SELENOO: variants seen among roughly 807,000 people sequenced by gnomAD.
SELENOO encodes protein adenylyltransferase SelO, mitochondrial.
A neutral mutation model predicts 58.7 loss-of-function variants in SELENOO; 74 were observed. The ratio of observed to expected loss-of-function variants is 1.26; its 90% CI spans 1.04 to 1.53. The LOEUF is 1.53. SELENOO is among the 40% of genes most tolerant of loss of function. The pLI, the probability that SELENOO is intolerant of heterozygous loss-of-function variation, is 0.00. For synonymous variants in SELENOO, 543 were observed against 453.2 expected (o/e 1.20, Z -2.52); for missense variants, 1,149 against 970.0 (o/e 1.18, Z -2.45).
Position 50,217,547 on chromosome 22 carries a change from C to T in SELENOO, c.*178C>T, listed in dbSNP as rs772726137. On this transcript the variant is annotated 3_prime_UTR_variant, in exon 9 of 9. Coordinates refer to ENST00000380903, the MANE Select transcript of SELENOO (RefSeq NM_031454.2). ...GACCTGACCCGTCTCTGTCTGAGGC[C>T]GGCTCAGCAGTGCAGCCTGGTCCCT... 9.7e-5 allele frequency: 97 copies of T among 999,934 alleles called. No homozygotes were observed. Among genetic ancestry groups the T allele is most frequent in the Admixed American group, 4.0e-4 (14 of 34,864 alleles). 61.9% of individuals were successfully genotyped at this position (999,934 alleles called of 1,614,324 possible).
chr22:50,210,637 C>A lies in SELENOO; in HGVS notation c.1077C>A (p.Asp359Glu). The change falls in exon 5 of 9, where the codon GAC becomes GAA. Residue 359 changes from aspartate (D) to glutamate (E), a missense_variant. Asp to Glu is a conservative substitution (Grantham distance 45, BLOSUM62 2). Coordinates refer to ENST00000380903, the MANE Select transcript of SELENOO (RefSeq NM_031454.2). The stretch of plus-strand genomic sequence containing the variant: ...CTCTTGCCCCGTGTGGCAGGTACGA[C>A]CCCGACCACGTGTGCAATGCCTCCG... ...YGPFGFLDRY[D>E]PDHVCNASDN... The A allele has an allele frequency of 6.2e-7, 1 of 1,612,836 alleles. No individual in the cohort carries two copies. Among genetic ancestry groups the A allele is most frequent in the South Asian group, 1.1e-5 (1 of 91,072 alleles).
At position 50,206,482 on chromosome 22, in the gene SELENOO, A is replaced by G. The variant is rs772189835; in HGVS notation, c.720A>G (p.Gln240=). ...ATGATGGTAATCCCAAATATGAACA[A>G]TGCACGGTTGTGTTGCGTGTAGCTT... ...VFYDGNPKYE[Q]CTVVLRVAST... Residue 240 remains glutamine (Q), a synonymous_variant, in exon 2 of 9, where the codon CAA becomes CAG. Transcript: ENST00000380903. 3 of 1,614,146 alleles carry G rather than the reference A, an allele frequency of 1.9e-6. No individual in the cohort carries two copies. The highest frequency in any genetic ancestry group is 1.1e-5 in the South Asian group (1 of 91,080).
chr22:50,213,051 T>C (rs564902845), intron 5 of SELENOO, among the ~76,000 whole-genome samples: 2 of 152,308 alleles, frequency 1.3e-5, no homozygotes, highest in South Asian at 4.1e-4. Context: ...TCCATCAATT[T>C]TGGTATGTTG....
In SELENOO at chr22:50,201,090, G is replaced by GC; in HGVS notation, c.58dup (p.Leu20ProfsTer214). ...CTTCGCTCGCGGCTGCCCGACTCTT[G>GC]CCCCTCGGTCGCTGTTCCCCGTCGC... On this transcript the variant is annotated frameshift_variant, in exon 1 of 9. Coordinates refer to ENST00000380903, the MANE Select transcript of SELENOO (RefSeq NM_031454.2). LOFTEE classifies it high-confidence loss of function. The GC allele has an allele frequency of 7.3e-7, 1 of 1,366,556 alleles. No homozygotes were observed. Among genetic ancestry groups the GC allele is most frequent in the Non-Finnish European group, 9.4e-7 (1 of 1,059,702 alleles). 84.7% of individuals were successfully genotyped at this position (1,366,556 alleles called of 1,614,324 possible). A position where few individuals can be genotyped will look rare whatever the true frequency, so the allele number is the denominator to read the frequency against.
chr22:50,206,272 G>T, intron 1 of SELENOO, 45 bp from the exon 2 acceptor site: 1 of 1,547,994 alleles, frequency 6.5e-7, no homozygotes, highest in South Asian at 1.1e-5. Context: ...GGTGTTGGGT[G>T]ACCTCCTGAC....
At chr22:50,211,900 G>T (rs568667354) in intron 5 of SELENOO, among the ~76,000 whole-genome samples, 1 of 152,202 alleles carries the variant, frequency 6.6e-6, no homozygotes, top group South Asian at 2.1e-4. Flanking sequence ...ACAGGGTTTC[G>T]CCGTGTTGGT....
At chr22:50,208,809 G>A (rs2064349572) in intron 3 of SELENOO, 93 bp downstream of exon 3, 1 of 1,270,740 alleles carries the variant, frequency 7.9e-7, no homozygotes, top group Non-Finnish European at 1.1e-6. Flanking sequence ...GGGGACAAAG[G>A]CTTTTACCCA....
chr22:50,209,491 A>G (rs1328931016), intron 3 of SELENOO: 1 of 152,642 alleles, frequency 6.6e-6, no homozygotes, highest in Non-Finnish European at 1.5e-5. Flanking sequence ...GGGGCTGCAG[A>G]AGGCCGGGAG....
chr22:50,210,070 T>A (rs1409756137), intron 3 of SELENOO, 111 bp from the exon 4 acceptor site: 11 of 1,309,720 alleles, frequency 8.4e-6, no homozygotes, highest in East Asian at 2.4e-5. Context: ...AACTGCAGAG[T>A]GAGAGCCACT....
Position 50,201,471 on chromosome 22 carries a change from C to A in SELENOO, c.435C>A (p.Phe145Leu), listed in dbSNP as rs1312704086. The change falls in exon 1 of 9, where the codon TTC (phenylalanine) becomes TTA (leucine). Residue 145 changes from phenylalanine (F) to leucine (L), a missense_variant. By Grantham distance (22) the Phe-to-Leu change is conservative (BLOSUM62 0). Coordinates refer to ENST00000380903, the MANE Select transcript of SELENOO (RefSeq NM_031454.2). ...CGCACTGCTACTGCGGCCACCAATT[C>A]GGCCAGTTCGCCGGGCAGCTGGGCG... ...PAAHCYCGHQ[F>L]GQFAGQLGDG... 10 of 1,422,496 alleles carry A rather than the reference C, an allele frequency of 7.0e-6. No homozygotes were observed. In the South Asian group the frequency reaches 8.2e-5, roughly 12 times the overall value. 88.1% of individuals were successfully genotyped at this position (1,422,496 alleles called of 1,614,324 possible). A position where few individuals can be genotyped will look rare whatever the true frequency, so the allele number is the denominator to read the frequency against.
At chr22:50,216,650 C>T (rs1221517538) in intron 6 of SELENOO, 41 bp from the exon 7 acceptor site, 23 of 1,523,920 alleles carry the variant, frequency 1.5e-5, no homozygotes, top group East Asian at 9.7e-5. Context: ...GGCAGGGACA[C>T]GGTCAGGGGC....
chr22:50,206,100 G>T lies in SELENOO; in HGVS notation c.555-217G>T, dbSNP rs1477817830. 4 of 596,214 alleles carry T rather than the reference G, an allele frequency of 6.7e-6. No homozygotes were observed. The African/African-American group carries it at 7.4e-5, about 11-fold the overall frequency. The allele number at this position is 596,214 out of a possible 1,614,324, so 36.9% of individuals were successfully genotyped here. A position where few individuals can be genotyped will look rare whatever the true frequency, so the allele number is the denominator to read the frequency against. ...CGTGTGTTCAGGCCCATTTTTACCA[G>T]AGGCTGTGCCGACAACCTGCTGGGC... On this transcript the variant is annotated intron_variant, in intron 1 of 8. Coordinates refer to ENST00000380903, the MANE Select transcript of SELENOO (RefSeq NM_031454.2).
At chr22:50,203,988 C>T (rs1241562554) in intron 1 of SELENOO, among the ~76,000 whole-genome samples, 3 of 152,232 alleles carry the variant, frequency 2.0e-5, no homozygotes, top group Non-Finnish European at 2.9e-5. Flanking sequence ...TCTCAAAACT[C>T]AGCAACAGGA....
In SELENOO at chr22:50,210,756, T is replaced by G. The variant is rs768021855; in HGVS notation, c.1196T>G (p.Leu399Arg). The G allele has an allele frequency of 6.2e-7, 1 of 1,613,698 alleles. No individual in the cohort carries two copies. The highest frequency in any genetic ancestry group is 1.1e-5 in the South Asian group (1 of 91,076). ...LAEALQPELP[L>R]ELGEAILAEE... ...GAGGCCCTGCAGCCGGAACTGCCCC[T>G]GGAGCTGGGGGAGGCCATCCTGGCC... The change falls in exon 5 of 9, where the codon CTG (leucine) becomes CGG (arginine). Residue 399 changes from leucine (L) to arginine (R), a missense_variant. By Grantham distance (102) the Leu-to-Arg change is moderately radical. Coordinates refer to ENST00000380903, the MANE Select transcript of SELENOO (RefSeq NM_031454.2).
Position 50,215,825 on chromosome 22 carries a change from TGGA to T in SELENOO, c.1465_1467del (p.Glu489del), listed in dbSNP as rs2147167413. ...AGGCTGATGGAGCAGTGTGCCTCCC[TGGA>T]GGAGCTGAGGCTGGCCTTCCGGCCC... On this transcript the variant is annotated inframe_deletion, in exon 6 of 9. Coordinates refer to ENST00000380903, the MANE Select transcript of SELENOO (RefSeq NM_031454.2). 1 of 1,612,042 alleles carries T rather than the reference TGGA, an allele frequency of 6.2e-7. No homozygotes were observed. Among genetic ancestry groups the T allele is most frequent in the Non-Finnish European group, 8.5e-7 (1 of 1,178,694 alleles).
intron 1 of SELENOO, among the ~76,000 whole-genome samples, chr22:50,205,042 T>A (rs1423530536): frequency 7.7e-6 from 1 of 129,694 alleles, no homozygotes; most frequent in East Asian, 2.2e-4. Flanking sequence ...GAGAGCCACA[T>A]TCATAGAGAC....
In SELENOO at chr22:50,206,301, C is replaced by T. The variant is rs1266772351; in HGVS notation, c.555-16C>T. 1.2e-6 allele frequency: 2 copies of T among 1,612,244 alleles called. No homozygotes were observed. Among genetic ancestry groups the T allele is most frequent in the Non-Finnish European group, 1.7e-6 (2 of 1,179,324 alleles). ...TCCTGACCGGCCCACGTAGTGAACT[C>T]TGTGTTTGGTTTCAGACAGGCCGAC... On this transcript the variant is annotated splice_polypyrimidine_tract_variant and intron_variant, in intron 1 of 8. Transcript: ENST00000380903.
rs148609848 is a variant in SELENOO at position 50,214,882 on chromosome 22, T to C, written c.1352-835T>C. ...CAGCCTGTTCGTGTCTTTGAACGTCTTGCAGATCGTGTGGTGACAACATGG... is the reference window on the plus strand; with the variant it reads ...CAGCCTGTTCGTGTCTTTGAACGTCCTGCAGATCGTGTGGTGACAACATGG... On this transcript the variant is annotated intron_variant, in intron 5 of 8. Coordinates refer to ENST00000380903, the MANE Select transcript of SELENOO (RefSeq NM_031454.2). Among the ~76,000 whole-genome samples the C allele has an allele frequency of 2.0e-5, 3 of 152,380 alleles. No homozygotes were observed. In the East Asian group the frequency reaches 5.8e-4, roughly 29 times the overall value.
chr22:50,217,306 G>A lies in SELENOO; in HGVS notation c.1947G>A (p.Gln649=), dbSNP rs2064427803. 2 of 1,612,830 alleles carry A rather than the reference G, an allele frequency of 1.2e-6. No individual in the cohort carries two copies. The highest frequency in any genetic ancestry group is 1.7e-6 in the Non-Finnish European group (2 of 1,179,908). ...AAGCCGACGGGGCGGACGGCAGGCA[G>A]CGCTCCTACAGCAGTAAGCCCCCGC... ...ATEADGADGR[Q]RSYSSKPPLW... The change falls in exon 9 of 9, where the codon CAG becomes CAA. Residue 649 remains glutamine, a synonymous_variant. Transcript: ENST00000380903.
Sources: allele counts gnomAD v4.1 joint callset (sites outside exome capture counted in the v4.1 genomes callset), GRCh38; gene constraint gnomAD v4.1.1; transcripts MANE v1.5; gene names NCBI Gene and HGNC (gene_info 2026-07-23, HGNC 2026-07-21).